Variants in ENPP3 observed in about 807,000 individuals in gnomAD.
ENPP3 encodes ectonucleotide pyrophosphatase/phosphodiesterase family member 3.
Under a neutral mutation model 117.8 loss-of-function variants are expected in ENPP3, and 104 were observed. The observed-to-expected ratio is 0.88, with a 90% CI of 0.75 to 1.04. ENPP3 has a LOEUF of 1.04. ENPP3 is among the 50% of genes least tolerant of loss of function. ENPP3 has a pLI of 0.00. For missense variants in ENPP3, 1,026 were observed against 1,051.9 expected, an observed-to-expected ratio of 0.98 and a Z score of 0.34; for synonymous variants, 380 against 349.9, an observed-to-expected ratio of 1.09 and a Z score of -0.96.
In ENPP3 at chr6:131,676,826, CTGGCATAG is replaced by C. The variant is rs1418183465; in HGVS notation, c.938+33_938+40del. On this transcript the variant is annotated intron_variant, in intron 10 of 24. Transcript: ENST00000357639. Reference sequence around the variant, plus strand: ...GGTAATGTCTAGTGTCAGAAAAGTGCTGGCATAGTGGCATATATATGGGTAAAAAATGA... The same window carrying C: ...GGTAATGTCTAGTGTCAGAAAAGTGCTGGCATATATATGGGTAAAAAATGA... 4 of 1,490,394 alleles carry C rather than the reference CTGGCATAG, an allele frequency of 2.7e-6. No homozygotes were observed. The South Asian group carries it at 4.6e-5, about 17-fold the overall frequency. 92.3% of individuals were successfully genotyped at this position (1,490,394 alleles called of 1,614,324 possible).
At chr6:131,726,374 G>C (rs529220790) in intron 20 of ENPP3, among the ~76,000 whole-genome samples, 174 bp downstream of exon 20, 1 of 152,190 alleles carries the variant, frequency 6.6e-6, no homozygotes, top group African/African-American at 2.4e-5. Flanking sequence ...TGCTACACGG[G>C]TGCAAAAGAG....
chr6:131,659,944 A>G (rs1444569326), intron 6 of ENPP3, among the ~76,000 whole-genome samples: 2 of 152,228 alleles, frequency 1.3e-5, no homozygotes, highest in Non-Finnish European at 2.9e-5. Flanking sequence ...ATTAGAAATG[A>G]CATCAATGAA....
chr6:131,719,753 T>C (rs1370545820), intron 16 of ENPP3, among the ~76,000 whole-genome samples: 2 of 152,086 alleles, frequency 1.3e-5, no homozygotes, highest in Non-Finnish European at 2.9e-5. Context: ...AATAATATAA[T>C]CAAGTTAACA....
intron 24 of ENPP3, among the ~76,000 whole-genome samples, chr6:131,742,982 C>A (rs899967651): frequency 6.6e-6 from 1 of 151,990 alleles, no homozygotes; most frequent in Non-Finnish European, 1.5e-5. Flanking sequence ...GAGGAATTTG[C>A]AGTATAGTAA....
chr6:131,675,238 G>A (rs1232573476), intron 9 of ENPP3, 49 bp downstream of exon 9: 1 of 1,194,506 alleles, frequency 8.4e-7, no homozygotes, highest in East Asian at 2.3e-5. Context: ...AAATGATCAA[G>A]ATGTTTTCTG....
chr6:131,706,530 G>A (rs548878836), intron 15 of ENPP3, among the ~76,000 whole-genome samples: 2,578 of 150,906 alleles, frequency 0.017, 25 homozygotes, highest in South Asian at 0.03. Context: ...ACATTTCTCA[G>A]AACGTATCCG....
intron 24 of ENPP3, among the ~76,000 whole-genome samples, chr6:131,743,669 A>T (rs1780575280): frequency 6.6e-6 from 1 of 151,966 alleles, no homozygotes; most frequent in African/African-American, 2.4e-5. Flanking sequence ...TACTAAAAAT[A>T]CAAAAATTAG....
intron 12 of ENPP3, among the ~76,000 whole-genome samples, chr6:131,684,693 A>G (rs1779111894): frequency 6.6e-6 from 1 of 152,178 alleles, no homozygotes; most frequent in Admixed American, 6.5e-5. Context: ...CAAAAAAAAA[A>G]AAAATTCATG....
intron 18 of ENPP3, among the ~76,000 whole-genome samples, chr6:131,723,379 C>G (rs554982844): frequency 6.6e-6 from 1 of 152,270 alleles, no homozygotes; most frequent in Non-Finnish European, 1.5e-5. Flanking sequence ...GGGTTTCCTA[C>G]CGACTGCTCC....
chr6:131,664,897 T>C (rs1778584598), intron 6 of ENPP3, among the ~76,000 whole-genome samples: 1 of 152,190 alleles, frequency 6.6e-6, no homozygotes, highest in Admixed American at 6.5e-5. Flanking sequence ...TAGGAATGTA[T>C]CCCTGTCTTT....
At chr6:131,676,857 T>C in intron 10 of ENPP3, 56 bp downstream of exon 10, 1 of 1,193,208 alleles carries the variant, frequency 8.4e-7, no homozygotes, top group Non-Finnish European at 1.2e-6. Flanking sequence ...GGGTAAAAAA[T>C]GAAGTTTTTT....
chr6:131,720,403 C>T, intron 17 of ENPP3, 24 bp downstream of exon 17: 1 of 1,227,090 alleles, frequency 8.1e-7, no homozygotes, highest in Admixed American at 2.1e-5. Context: ...AATAAGTTCG[C>T]CAACAAAATA....
At chr6:131,651,253 G>A (rs1274654586) in intron 3 of ENPP3, among the ~76,000 whole-genome samples, 1 of 152,100 alleles carries the variant, frequency 6.6e-6, no homozygotes, top group Non-Finnish European at 1.5e-5. Flanking sequence ...TCTAAATAAG[G>A]TCACATTCAC....
chr6:131,644,396 G>A lies in ENPP3; in HGVS notation c.154+2866G>A, dbSNP rs115813039. Among the ~76,000 whole-genome samples, 606 of 152,296 alleles carry A rather than the reference G, an allele frequency of 4.0e-3. 5 individuals carry two copies. The highest frequency in any genetic ancestry group is 0.014 in the Middle Eastern group (4 of 294). On this transcript the variant is annotated intron_variant, in intron 2 of 24. Transcript: ENST00000357639. ...TCAGGAGATTATTCCAATAATCTGG[G>A]TAAGCCTTATGTCTTAAACCAGGGC...
intron 6 of ENPP3, among the ~76,000 whole-genome samples, chr6:131,670,615 C>T (rs971563756): frequency 4.6e-5 from 7 of 152,120 alleles, no homozygotes; most frequent in South Asian, 2.1e-4. Context: ...CTCAGCCTCC[C>T]GAGTAGCTAG....
At chr6:131,736,076 A>T (rs1022134273) in intron 21 of ENPP3, among the ~76,000 whole-genome samples, 3 of 152,270 alleles carry the variant, frequency 2.0e-5, no homozygotes, top group African/African-American at 4.8e-5. Flanking sequence ...AGATGCCATG[A>T]GACAAATGAA....
chr6:131,718,185 A>G (rs1480994478), intron 15 of ENPP3, among the ~76,000 whole-genome samples: 1 of 152,214 alleles, frequency 6.6e-6, no homozygotes, highest in Non-Finnish European at 1.5e-5. Flanking sequence ...AGACATCTTC[A>G]CTGGAAAACA....
intron 20 of ENPP3, among the ~76,000 whole-genome samples, chr6:131,732,538 G>A (rs1030691125): frequency 1.3e-5 from 2 of 151,692 alleles, no homozygotes; most frequent in South Asian, 2.1e-4. Flanking sequence ...TCAGCCTCCC[G>A]AGTAGCTGGG....
At chr6:131,674,940 A>T in intron 8 of ENPP3, 140 bp from the exon 9 acceptor site, 1 of 573,612 alleles carries the variant, frequency 1.7e-6, no homozygotes, top group Non-Finnish European at 3.1e-6. Flanking sequence ...TTAGATAATT[A>T]TATCTTTTAA....
Sources: allele counts gnomAD v4.1 joint callset (sites outside exome capture counted in the v4.1 genomes callset), GRCh38; gene constraint gnomAD v4.1.1; transcripts MANE v1.5; gene names NCBI Gene and HGNC (gene_info 2026-07-23, HGNC 2026-07-21).